Variants in KIAA1217 observed in about 807,000 individuals in gnomAD.
The protein encoded by KIAA1217 is KIAA1217.
In KIAA1217, 88 loss-of-function variants were observed where a neutral mutation model predicts 163.9. That is an observed-to-expected ratio of 0.54 (90% CI 0.45 to 0.64). The LOEUF (loss-of-function observed/expected upper bound fraction) is 0.64, where lower values mean the gene tolerates loss of function less well. Among genes scored for constraint, KIAA1217 ranks in the 30% least tolerant of loss-of-function variants. KIAA1217 has a pLI of 0.00. For missense variants in KIAA1217, 2,372 were observed against 2,475.0 expected (o/e 0.96, Z 0.88); for synonymous variants, 903 against 923.1 (o/e 0.98, Z 0.39).
chr10:24,007,471 C>T (rs1188870824), intron 2 of KIAA1217: 3 of 152,208 alleles, frequency 2.0e-5, no homozygotes, highest in Non-Finnish European at 4.4e-5. Flanking sequence ...AACTTGGCTT[C>T]TGTTCATTCC....
chr10:24,210,130 C>T (rs1392822446), intron 1 of KIAA1217, among the ~76,000 whole-genome samples: 1 of 142,398 alleles, frequency 7.0e-6, no homozygotes, highest in Admixed American at 6.9e-5. Context: ...AACAAAAAGA[C>T]GTGCGGGAGT....
intron 1 of KIAA1217, among the ~76,000 whole-genome samples, chr10:23,861,212 C>A (rs1839935924): frequency 6.6e-6 from 1 of 152,140 alleles, no homozygotes; most frequent in Non-Finnish European, 1.5e-5. Context: ...TGTGCCTGGC[C>A]AGATCCTGAC....
intron 2 of KIAA1217, among the ~76,000 whole-genome samples, chr10:24,360,657 G>C (rs1383413315): frequency 6.6e-6 from 1 of 152,160 alleles, no homozygotes; most frequent in Non-Finnish European, 1.5e-5. Context: ...GATTTCAGCT[G>C]CCTCCTTTGA....
intron 2 of KIAA1217, among the ~76,000 whole-genome samples, chr10:24,069,118 C>T (rs370208521): frequency 1.6e-4 from 24 of 152,308 alleles, no homozygotes; most frequent in East Asian, 9.7e-4. Context: ...GGCAGAGCTA[C>T]GGCAAGTGTT....
chr10:24,246,038 CTT>C (rs549528570), intron 2 of KIAA1217, among the ~76,000 whole-genome samples: 75 of 152,198 alleles, frequency 4.9e-4, no homozygotes, highest in African/African-American at 1.8e-3. Context: ...TTAATTGTCT[CTT>C]TGAATTTTGC....
Position 24,543,748 on chromosome 10 carries a change from T to C in KIAA1217, c.4478T>C (p.Val1493Ala), listed in dbSNP as rs754912463. 1.2e-6 allele frequency: 2 copies of C among 1,613,322 alleles called. No homozygotes were observed. The highest frequency in any genetic ancestry group is 1.7e-6 in the Non-Finnish European group (2 of 1,179,620). Residue 1493 changes from valine to alanine, a missense_variant, in exon 19 of 21, where the codon GTC becomes GCC. Val to Ala is a moderately conservative substitution (Grantham distance 64). Around this residue, in one of 3 missense-constraint regions of KIAA1217, gnomAD observed 690 missense variants for 677.5 expected, o/e 1.02. Transcript: ENST00000376454. ...EEEEENGDSV[V>A]QNNNTSQMSH... Reference sequence around the variant, plus strand: ...GAGGAGGAAAATGGGGATTCTGTAGTCCAGAATAATAACACTTCCCAGATG... The same window carrying C: ...GAGGAGGAAAATGGGGATTCTGTAGCCCAGAATAATAACACTTCCCAGATG...
At chr10:23,982,869 T>G (rs552018503) in intron 1 of KIAA1217, among the ~76,000 whole-genome samples, 1 of 152,118 alleles carries the variant, frequency 6.6e-6, no homozygotes, top group South Asian at 2.1e-4. Context: ...CGGCCTCTGT[T>G]TTTTCTTTGT....
chr10:24,335,808 C>G (rs549854762), intron 2 of KIAA1217, among the ~76,000 whole-genome samples: 1 of 151,880 alleles, frequency 6.6e-6, no homozygotes, highest in African/African-American at 2.4e-5. Context: ...TAAGAGGTCT[C>G]CTAATGTTGC....
At chr10:24,297,727 G>A (rs1365692374) in intron 2 of KIAA1217, among the ~76,000 whole-genome samples, 1 of 152,112 alleles carries the variant, frequency 6.6e-6, no homozygotes, top group Non-Finnish European at 1.5e-5. Flanking sequence ...CTGCATTCCA[G>A]CCTGGGCAAC....
chr10:24,414,749 G>T (rs772758710), intron 3 of KIAA1217, among the ~76,000 whole-genome samples: 2 of 152,212 alleles, frequency 1.3e-5, no homozygotes, highest in Non-Finnish European at 2.9e-5. Flanking sequence ...TTCAAATGGG[G>T]CCCTGCATGG....
intron 1 of KIAA1217, among the ~76,000 whole-genome samples, chr10:23,718,519 G>T (rs1837693006): frequency 6.6e-6 from 1 of 151,868 alleles, no homozygotes; most frequent in Non-Finnish European, 1.5e-5. Context: ...TTTTAAAATT[G>T]CATAATGTTT....
intron 2 of KIAA1217, among the ~76,000 whole-genome samples, chr10:24,129,411 T>G (rs1420486571): frequency 2.6e-5 from 4 of 152,200 alleles, no homozygotes; most frequent in African/African-American, 9.7e-5. Flanking sequence ...AAAGGACACT[T>G]GTAGGTCTCA....
At chr10:24,530,725 C>T (rs1424545499) in intron 14 of KIAA1217, among the ~76,000 whole-genome samples, 1 of 151,992 alleles carries the variant, frequency 6.6e-6, no homozygotes, top group Admixed American at 6.6e-5. Flanking sequence ...TAGTGAGACC[C>T]CCCTCTTTAC....
intron 2 of KIAA1217, among the ~76,000 whole-genome samples, chr10:24,040,598 A>G (rs1848589498): frequency 6.6e-6 from 1 of 152,202 alleles, no homozygotes; most frequent in Non-Finnish European, 1.5e-5. Context: ...ATTTTATGAT[A>G]CAGCAGTATT....
At chr10:24,209,097 C>T, upstream of KIAA1217, 2 of 1,030,434 alleles carry the variant, frequency 1.9e-6, no homozygotes, top group Non-Finnish European at 3.0e-6. Context: ...CCCCTCCTCC[C>T]CAGCCCCGGG....
intron 1 of KIAA1217, among the ~76,000 whole-genome samples, chr10:23,912,795 C>T (rs1842490138): frequency 1.3e-5 from 2 of 152,170 alleles, no homozygotes; most frequent in African/African-American, 4.8e-5. Context: ...ATGAAACACA[C>T]ATTCCTGTGA....
rs1592637626 is a variant in KIAA1217 at position 24,521,889 on chromosome 10, C to T, written c.2416C>T (p.Arg806Cys). The T allele has an allele frequency of 1.2e-5, 20 of 1,613,472 alleles. No homozygotes were observed. The highest frequency in any genetic ancestry group is 1.7e-4 in the Middle Eastern group (1 of 6,060). The change falls in exon 12 of 21, where the codon CGT becomes TGT. Residue 806 changes from arginine to cysteine, a missense_variant. Transcript: ENST00000376454. ...EPHKLDSLLK[R>C]VRSMTDVLTM... ...ACACAAGCTGGACAGTCTCCTGAAG[C>T]GTGTGCGCAGCATGACAGACGTCCT...
At chr10:23,750,513 C>T (rs1205468463) in intron 1 of KIAA1217, among the ~76,000 whole-genome samples, 2 of 152,122 alleles carry the variant, frequency 1.3e-5, no homozygotes, top group Non-Finnish European at 2.9e-5. Flanking sequence ...GGCTTGGTGG[C>T]TCTCCTTTGT....
chr10:24,267,217 A>T lies in KIAA1217; in HGVS notation c.354+47308A>T, dbSNP rs1047580304. On this transcript the variant is annotated intron_variant, in intron 2 of 20. Coordinates refer to ENST00000376454, the MANE Select transcript of KIAA1217 (RefSeq NM_019590.5). ...GTATAATTAATTTTATTAGGCATCT[A>T]TTCCTAAGAGCCAGGAATTCACATA... Among the ~76,000 whole-genome samples the T allele has an allele frequency of 5.3e-5, 8 of 152,334 alleles. No homozygotes were observed. The East Asian group carries it at 1.5e-3, about 29-fold the overall frequency.
Sources: gnomAD v4.1 joint callset for allele counts (sites outside exome capture counted in the v4.1 genomes callset) on GRCh38, gnomAD v4.1.1 for gene constraint, gnomAD v4.1.1 regional missense constraint, MANE v1.5 for transcripts, NCBI Gene and HGNC (gene_info 2026-07-23, HGNC 2026-07-21) for gene names.